MALRD1: variants seen among roughly 807,000 people sequenced by gnomAD.
MALRD1 encodes the protein MAM and LDL receptor class A domain containing 1.
MALRD1 carries 247 observed loss-of-function variants against 242.1 expected under a neutral mutation model. The ratio of observed to expected loss-of-function variants is 1.02; its 90% CI spans 0.92 to 1.13. The LOEUF is 1.13. Among genes scored for constraint, MALRD1 ranks in the 50% most tolerant of loss-of-function variants. MALRD1 has a pLI of 0.00. For synonymous variants in MALRD1, 995 were observed against 866.6 expected (o/e 1.15, Z -2.60); for missense variants, 2,989 against 2,533.1 (o/e 1.18, Z -3.86).
At chr10:19,271,072 G>A (rs960164686) in intron 19 of MALRD1, among the ~76,000 whole-genome samples, 1 of 152,042 alleles carries the variant, frequency 6.6e-6, no homozygotes, top group Non-Finnish European at 1.5e-5. Context: ...AACTGGTTTG[G>A]CATTATCTCC....
At chr10:19,319,187 T>C (rs1169987788) in intron 21 of MALRD1, among the ~76,000 whole-genome samples, 3 of 152,036 alleles carry the variant, frequency 2.0e-5, no homozygotes, top group Non-Finnish European at 2.9e-5. Context: ...TCCTTTACGG[T>C]TAGTGATTTT....
chr10:19,421,760 G>A (rs978196261), intron 28 of MALRD1, among the ~76,000 whole-genome samples: 12 of 152,114 alleles, frequency 7.9e-5, no homozygotes, highest in African/African-American at 2.4e-4. Context: ...ACAATTAATC[G>A]TCTTTCTCTC....
At chr10:19,578,210 T>C (rs1836927378) in intron 33 of MALRD1, among the ~76,000 whole-genome samples, 1 of 152,192 alleles carries the variant, frequency 6.6e-6, no homozygotes, top group Non-Finnish European at 1.5e-5. Context: ...TTGTTTGTTT[T>C]GCAGTAGCAT....
In MALRD1 at chr10:19,323,940, C is replaced by T. The variant is rs1203667035; in HGVS notation, c.3420-9C>T. 2 of 1,550,238 alleles carry T rather than the reference C, an allele frequency of 1.3e-6. No homozygotes were observed. The highest frequency in any genetic ancestry group is 2.4e-5 in the East Asian group (1 of 40,888). ...ATTCCTTTTATAATATGATAAATTC[C>T]TTTTCCAGAAATACCACTGATGGCT... On this transcript the variant is annotated splice_polypyrimidine_tract_variant and intron_variant, in intron 21 of 39. Transcript: ENST00000454679.
chr10:19,500,818 C>T (rs907920895), intron 31 of MALRD1, among the ~76,000 whole-genome samples: 4 of 152,152 alleles, frequency 2.6e-5, no homozygotes, highest in Admixed American at 6.5e-5. Context: ...TATGTTCCTT[C>T]CTTCATTCAC....
chr10:19,622,622 G>A (rs563002968), intron 36 of MALRD1, among the ~76,000 whole-genome samples: 2 of 150,432 alleles, frequency 1.3e-5, no homozygotes, highest in Non-Finnish European at 3.0e-5. Flanking sequence ...GGAGAAATGA[G>A]TGGAACAATA....
rs77342406 is a variant in MALRD1, at chr10:19,358,642, A to G, written c.4441+6345A>G. ...AATTCCTATCTTTACGTTCTGTACCATGGGGACTGTCGGAATCTACTTCTG... is the reference window on the plus strand; with the variant it reads ...AATTCCTATCTTTACGTTCTGTACCGTGGGGACTGTCGGAATCTACTTCTG... On this transcript the variant is annotated intron_variant, in intron 26 of 39. Coordinates refer to ENST00000454679, the MANE Select transcript of MALRD1 (RefSeq NM_001142308.3). 9.5e-3 allele frequency among the ~76,000 whole-genome samples: 1,449 copies of G among 152,292 alleles called. 16 individuals are homozygous for G. Among genetic ancestry groups the G allele is most frequent in the Non-Finnish European group, 0.015 (1,054 of 68,020 alleles).
At chr10:19,591,434 A>G (rs1021308300) in intron 33 of MALRD1, among the ~76,000 whole-genome samples, 9 of 152,022 alleles carry the variant, frequency 5.9e-5, no homozygotes, top group South Asian at 2.1e-4. Flanking sequence ...TAAATCCATT[A>G]ACATTAACTT....
chr10:19,279,972 AT>A (rs1294673061), intron 19 of MALRD1, 74 bp from the exon 20 acceptor site: 38 of 1,190,202 alleles, frequency 3.2e-5, no homozygotes, highest in Non-Finnish European at 4.3e-5. Context: ...AGAAAGCTTC[AT>A]TGTGTAAAAT....
chr10:19,200,966 T>A (rs1378403186), intron 14 of MALRD1, among the ~76,000 whole-genome samples: 1 of 152,088 alleles, frequency 6.6e-6, no homozygotes, highest in African/African-American at 2.4e-5. Flanking sequence ...TAACAGCCCC[T>A]AGCACAAAGC....
At chr10:19,695,333 C>G (rs972661872) in intron 38 of MALRD1, among the ~76,000 whole-genome samples, 1 of 151,974 alleles carries the variant, frequency 6.6e-6, no homozygotes, top group Admixed American at 6.6e-5. Flanking sequence ...GATAGCAGAA[C>G]GGCAAAGGAA....
intron 36 of MALRD1, among the ~76,000 whole-genome samples, chr10:19,665,667 A>G (rs969057573): frequency 3.3e-5 from 5 of 152,244 alleles, no homozygotes; most frequent in Middle Eastern, 3.4e-3. Context: ...AAACGTGGGC[A>G]TTCAGGGCTT....
chr10:19,088,522 C>A (rs1457625689), intron 4 of MALRD1, among the ~76,000 whole-genome samples: 1 of 140,070 alleles, frequency 7.1e-6, no homozygotes, highest in African/African-American at 2.7e-5. Flanking sequence ...ACTGCTCCAA[C>A]TTCCTCTTTC....
chr10:19,678,615 T>C (rs1316421419), intron 36 of MALRD1, among the ~76,000 whole-genome samples: 1 of 147,034 alleles, frequency 6.8e-6, no homozygotes, highest in Non-Finnish European at 1.6e-5. Context: ...TAATCTGTAA[T>C]TCTTGCTATT....
At chr10:19,333,135 C>CT (rs113082273) in intron 24 of MALRD1, among the ~76,000 whole-genome samples, 6,201 of 151,176 alleles carry the variant, frequency 0.041, 203 homozygotes, top group African/African-American at 0.092. Flanking sequence ...CACACCACTT[C>CT]TTTTTAAAAA....
chr10:19,640,690 A>C (rs906856150), intron 36 of MALRD1, among the ~76,000 whole-genome samples: 5 of 152,152 alleles, frequency 3.3e-5, no homozygotes, highest in African/African-American at 1.2e-4. Flanking sequence ...TTTCTAGGTC[A>C]CTGTTACCCT....
At chr10:19,630,329 C>A (rs181885817) in intron 36 of MALRD1, among the ~76,000 whole-genome samples, 1 of 152,148 alleles carries the variant, frequency 6.6e-6, no homozygotes, top group East Asian at 1.9e-4. Flanking sequence ...GTTTGGGCAT[C>A]CAGAATGAAA....
chr10:19,185,338 A>G (rs542240090), intron 14 of MALRD1, among the ~76,000 whole-genome samples: 80 of 152,120 alleles, frequency 5.3e-4, no homozygotes, highest in Admixed American at 1.2e-3. Context: ...TCTAAAACCT[A>G]TTTAGTCCAA....
At chr10:19,678,421 C>G (rs1842225843) in intron 36 of MALRD1, among the ~76,000 whole-genome samples, 1 of 152,028 alleles carries the variant, frequency 6.6e-6, no homozygotes, top group Non-Finnish European at 1.5e-5. Flanking sequence ...ATTGTATTCT[C>G]TTTGTAGCAA....
Sources: gnomAD v4.1 joint callset for allele counts (sites outside exome capture counted in the v4.1 genomes callset) on GRCh38, gnomAD v4.1.1 for gene constraint, MANE v1.5 for transcripts, NCBI Gene and HGNC (gene_info 2026-07-23, HGNC 2026-07-21) for gene names.